CDC123: variants seen among roughly 807,000 people sequenced by gnomAD.
CDC123 encodes the protein cell division cycle 123, also known as translation initiation factor eIF2 assembly protein.
Under a neutral mutation model 54.4 loss-of-function variants are expected in CDC123, and 37 were observed. The observed-to-expected ratio is 0.68, with a 90% CI of 0.52 to 0.89. CDC123 has a LOEUF of 0.89. Ranked by LOEUF, CDC123 falls within the 40% of genes least tolerant of loss-of-function variation. The probability of loss-of-function intolerance (pLI) is 0.00; values close to 1 mark genes in which losing one functional copy is unlikely to be tolerated. For missense variants in CDC123, 361 were observed against 412.1 expected (o/e 0.88, Z 1.07); for synonymous variants, 144 against 136.8 (o/e 1.05, Z -0.37).
chr10:12,211,946 G>A (rs1026462440), intron 4 of CDC123, among the ~76,000 whole-genome samples: 2 of 152,164 alleles, frequency 1.3e-5, no homozygotes, highest in African/African-American at 2.4e-5. Flanking sequence ...AAGCTAGCCA[G>A]GCATGGTGGT....
In CDC123 at chr10:12,237,190, A is replaced by G; in HGVS notation, c.612A>G (p.Lys204=). The G allele has an allele frequency of 6.3e-7, 1 of 1,586,354 alleles. No individual in the cohort carries two copies. The highest frequency in any genetic ancestry group is 1.4e-5 in the African/African-American group (1 of 73,598). The change falls in exon 9 of 13, where the codon AAA becomes AAG. Residue 204 remains lysine, a synonymous_variant. Coordinates refer to ENST00000281141, the MANE Select transcript of CDC123 (RefSeq NM_006023.3). ...DYTQYYDHIS[K]QKEEIRRCIQ... ...CACAATACTATGATCATATTTCTAA[A>G]CAAAAGGAAGAAATTCGCAGATGCA...
chr10:12,232,278 C>T (rs1835912032), intron 7 of CDC123, among the ~76,000 whole-genome samples: 1 of 152,058 alleles, frequency 6.6e-6, no homozygotes, highest in Non-Finnish European at 1.5e-5. Context: ...ATCTTTGCTC[C>T]ATAATTGCAT....
intron 3 of CDC123, 30 bp from the exon 4 acceptor site, chr10:12,210,260 T>C: frequency 6.2e-7 from 1 of 1,612,968 alleles, no homozygotes. Flanking sequence ...TTAAATTTAA[T>C]GTTTTATTTT....
At chr10:12,225,361 C>G (rs1050994529) in intron 6 of CDC123, among the ~76,000 whole-genome samples, 1 of 152,098 alleles carries the variant, frequency 6.6e-6, no homozygotes, top group Non-Finnish European at 1.5e-5. Flanking sequence ...TGCCACTGCG[C>G]TCCAGCCTGG....
At chr10:12,234,814 C>T (rs1195595385) in intron 7 of CDC123, among the ~76,000 whole-genome samples, 2 of 144,018 alleles carry the variant, frequency 1.4e-5, no homozygotes, top group Non-Finnish European at 3.0e-5. Context: ...AGTGCAATGG[C>T]GTGATCTTGG....
chr10:12,223,692 G>A (rs771444568), intron 6 of CDC123, among the ~76,000 whole-genome samples: 10 of 152,154 alleles, frequency 6.6e-5, no homozygotes, highest in Admixed American at 1.3e-4. Flanking sequence ...TGGCAGAAAA[G>A]CTAAGTCTTC....
At chr10:12,210,406 T>C in intron 4 of CDC123, 84 bp downstream of exon 4, 2 of 1,483,366 alleles carry the variant, frequency 1.3e-6, no homozygotes, top group Non-Finnish European at 9.2e-7. Context: ...CATACCTCTC[T>C]TAAATTCCTA....
At chr10:12,198,451 A>G (rs139536524) in intron 1 of CDC123, among the ~76,000 whole-genome samples, 1 of 152,216 alleles carries the variant, frequency 6.6e-6, no homozygotes, top group Admixed American at 6.5e-5. Context: ...TGTTGCTTTC[A>G]TACTGTGATT....
chr10:12,215,649 A>T, intron 4 of CDC123, 91 bp from the exon 5 acceptor site: 2 of 598,630 alleles, frequency 3.3e-6, no homozygotes, highest in South Asian at 8.3e-5. Flanking sequence ...TGTTTTTAAC[A>T]CCCTAAACTA....
chr10:12,209,654 ATGTT>A (rs1336012573), intron 2 of CDC123, among the ~76,000 whole-genome samples: 1 of 152,050 alleles, frequency 6.6e-6, no homozygotes, highest in African/African-American at 2.4e-5. Context: ...TCGACCTCCC[ATGTT>A]CAAGTGATCA....
At chr10:12,220,149 TG>T (rs1165319558) in intron 6 of CDC123, among the ~76,000 whole-genome samples, 1 of 152,190 alleles carries the variant, frequency 6.6e-6, no homozygotes, top group African/African-American at 2.4e-5. Context: ...GATTTTTATA[TG>T]CCTTTAGTGT....
Position 12,215,755 on chromosome 10 carries a change from G to C in CDC123, c.253G>C (p.Glu85Gln). Reference sequence around the variant, plus strand: ...CTCTCTGTAGGCACCAGAATTTCCTGAGTTTGCCACTAAAGTCCAGGAAGC... The same window carrying C: ...CTCTCTGTAGGCACCAGAATTTCCTCAGTTTGCCACTAAAGTCCAGGAAGC... The part of the protein sequence containing the change: ...TATLTAPEFP[E>Q]FATKVQEAIN... Residue 85 changes from glutamate to glutamine, a missense_variant, in exon 5 of 13, where the codon GAG becomes CAG. Glu to Gln is a conservative substitution (Grantham distance 29, BLOSUM62 2). Transcript: ENST00000281141. The C allele has an allele frequency of 6.2e-7, 1 of 1,609,772 alleles. No individual in the cohort carries two copies. Among genetic ancestry groups the C allele is most frequent in the Non-Finnish European group, 8.5e-7 (1 of 1,178,316 alleles).
intron 7 of CDC123, among the ~76,000 whole-genome samples, 182 bp from the exon 8 acceptor site, chr10:12,234,866 G>T (rs750376657): frequency 1.3e-5 from 2 of 149,706 alleles, no homozygotes; most frequent in African/African-American, 4.9e-5. Flanking sequence ...TGATTCTCCT[G>T]CCTCAGCCTT....
At chr10:12,213,087 G>T (rs1055765092) in intron 4 of CDC123, among the ~76,000 whole-genome samples, 1 of 152,202 alleles carries the variant, frequency 6.6e-6, no homozygotes, top group South Asian at 2.1e-4. Context: ...TTACTATTTG[G>T]CAACCATTGT....
At chr10:12,219,367 C>CTG (rs977569373) in intron 6 of CDC123, among the ~76,000 whole-genome samples, 2 of 151,722 alleles carry the variant, frequency 1.3e-5, no homozygotes, top group Admixed American at 6.6e-5. Context: ...GTGTCTGTGT[C>CTG]TGTGTGTGTG....
At position 12,228,413 on chromosome 10, in the gene CDC123, T is replaced by G. The variant is rs532344374; in HGVS notation, c.441-2535T>G. Among the ~76,000 whole-genome samples, 154 of 151,878 alleles carry G rather than the reference T, an allele frequency of 1.0e-3. 1 individual carries two copies. Among genetic ancestry groups the G allele is most frequent in the African/African-American group, 3.5e-3 (146 of 41,490 alleles). On this transcript the variant is annotated intron_variant, in intron 6 of 12. Coordinates refer to ENST00000281141, the MANE Select transcript of CDC123 (RefSeq NM_006023.3). ...AGAAAAACTAGGTTGTTTTTAGTTT[T>G]TTTTTTTTTTGAAACGGTGTCTTAC...
intron 10 of CDC123, among the ~76,000 whole-genome samples, chr10:12,241,252 T>C (rs954260086): frequency 1.8e-4 from 28 of 152,244 alleles, no homozygotes. Flanking sequence ...TTTTCTATTG[T>C]CTCATTTTCC....
At chr10:12,242,357 CCT>C (rs374743721) in intron 10 of CDC123, among the ~76,000 whole-genome samples, 93 of 152,298 alleles carry the variant, frequency 6.1e-4, no homozygotes, top group African/African-American at 2.2e-3. Flanking sequence ...CCTGTTCTTG[CCT>C]CTCTTGAAGC....
chr10:12,216,384 A>T (rs1347498920), intron 5 of CDC123, among the ~76,000 whole-genome samples: 3 of 152,214 alleles, frequency 2.0e-5, no homozygotes, highest in Non-Finnish European at 4.4e-5. Context: ...CCTATTTGTA[A>T]TTTCAAAAGT....
Sources: allele counts gnomAD v4.1 joint callset (sites outside exome capture counted in the v4.1 genomes callset), GRCh38; gene constraint gnomAD v4.1.1; transcripts MANE v1.5; gene names NCBI Gene and HGNC (gene_info 2026-07-23, HGNC 2026-07-21).